Variants in GZMA observed in about 807,000 individuals in gnomAD.
The protein encoded by GZMA is granzyme A.
Under a neutral mutation model 21.1 loss-of-function variants are expected in GZMA, and 17 were observed. The ratio of observed to expected loss-of-function variants is 0.81; its 90% confidence interval spans 0.55 to 1.21. The LOEUF is 1.21. Among genes scored for constraint, GZMA ranks in the 50% most tolerant of loss-of-function variants. The pLI, the probability that GZMA is intolerant of heterozygous loss-of-function variation, is 0.00. For synonymous variants in GZMA, 90 were observed against 107.8 expected, an observed-to-expected ratio of 0.83 and a Z score of 1.03; for missense variants, 306 against 315.9, an observed-to-expected ratio of 0.97 and a Z score of 0.24.
chr5:55,103,335 C>G (rs1390703391), intron 1 of GZMA, among the ~76,000 whole-genome samples: 1 of 152,174 alleles, frequency 6.6e-6, no homozygotes, highest in East Asian at 1.9e-4. Context: ...AATTTTTATA[C>G]TTATTTCTCT....
chr5:55,102,719 TCA>T lies in GZMA; in HGVS notation c.38_39del (p.Ser13CysfsTer10), dbSNP rs752815031. The T allele has an allele frequency of 4.3e-6, 7 of 1,610,236 alleles. No individual in the cohort carries two copies. The East Asian group carries it at 8.9e-5, about 21-fold the overall frequency. On this transcript the variant is annotated frameshift_variant, in exon 1 of 5. Transcript: ENST00000274306. LOFTEE classifies it high-confidence loss of function. ...NSYRFLASSL[S>X]VVVSLLLIPE... ...CTATAGATTTCTGGCATCCTCTCTC[TCA>T]GTTGTCGTTTCTCTCCTGCTAATTC...
In GZMA at chr5:55,107,835, C is replaced by G; in HGVS notation, c.257C>G (p.Thr86Ser). The G allele has an allele frequency of 1.2e-6, 2 of 1,612,048 alleles. No individual in the cohort carries two copies. Among genetic ancestry groups the G allele is most frequent in the East Asian group, 4.5e-5 (2 of 44,822 alleles). Residue 86 changes from threonine (T) to serine (S), a missense_variant, in exon 3 of 5, where the codon ACC becomes AGC. Transcript: ENST00000274306. ...SQVILGAHSITREEPTKQIML... is the reference protein window; with the variant it reads ...SQVILGAHSISREEPTKQIML... ...GTCATTCTTGGGGCTCACTCAATAA[C>G]CAGGGAAGAGCCAACAAAACAGATA...
intron 1 of GZMA, among the ~76,000 whole-genome samples, chr5:55,103,955 A>G (rs1417829232): frequency 6.6e-6 from 1 of 152,020 alleles, no homozygotes; most frequent in Non-Finnish European, 1.5e-5. Context: ...GCAGTGAGCT[A>G]AGATCGTGCC....
chr5:55,109,413 C>G (rs956070960), intron 4 of GZMA, among the ~76,000 whole-genome samples: 1 of 152,164 alleles, frequency 6.6e-6, no homozygotes, highest in South Asian at 2.1e-4. Flanking sequence ...CTTGGCAATC[C>G]TTGCCTGTTC....
In GZMA at chr5:55,106,560, C is replaced by T. The variant is rs114057623; in HGVS notation, c.215+942C>T. ...CAGAGCTTTGCTTCTGTCATGACTG[C>T]GTGACCAGGTAGAATTAGCCTCAGC... On this transcript the variant is annotated intron_variant, in intron 2 of 4. Transcript: ENST00000274306. Among the ~76,000 whole-genome samples the T allele has an allele frequency of 3.5e-3, 531 of 152,212 alleles. 2 individuals carry two copies. The highest frequency in any genetic ancestry group is 0.012 in the African/African-American group (494 of 41,546).
chr5:55,102,790 A>AT, intron 1 of GZMA, 38 bp downstream of exon 1: 1 of 1,200,872 alleles, frequency 8.3e-7, no homozygotes, highest in Non-Finnish European at 1.2e-6. Flanking sequence ...ATGACCATGA[A>AT]GCAAAATGGA....
At position 55,105,691 on chromosome 5, in the gene GZMA, G is replaced by A. The variant is rs1580327846; in HGVS notation, c.215+73G>A. The A allele has an allele frequency of 2.9e-6, 4 of 1,361,380 alleles. No homozygotes were observed. The East Asian group carries it at 9.2e-5, about 31-fold the overall frequency. The allele number at this position is 1,361,380 out of a possible 1,614,324, so 84.3% of individuals were successfully genotyped here. A position where few individuals can be genotyped will look rare whatever the true frequency, so the allele number is the denominator to read the frequency against. ...TGGGGAAACATTAATAAAAAGAGTA[G>A]GCCGGGCACAGTGGCTTACACCTGT... is the stretch of plus-strand genomic sequence containing the variant. On this transcript the variant is annotated intron_variant, in intron 2 of 4. Coordinates refer to ENST00000274306, the MANE Select transcript of GZMA (RefSeq NM_006144.4).
At chr5:55,105,402 T>C (rs1217753086) in intron 1 of GZMA, 72 bp from the exon 2 acceptor site, 1 of 1,370,428 alleles carries the variant, frequency 7.3e-7, no homozygotes, top group African/African-American at 1.4e-5. Flanking sequence ...ATGGCTGGTC[T>C]TAGAAACATG....
At chr5:55,103,250 C>T (rs1216835661) in intron 1 of GZMA, among the ~76,000 whole-genome samples, 1 of 152,154 alleles carries the variant, frequency 6.6e-6, no homozygotes, top group Non-Finnish European at 1.5e-5. Flanking sequence ...GCCTTTCCTG[C>T]TGCAGAAAAT....
At chr5:55,108,820 C>T (rs982640284) in intron 4 of GZMA, among the ~76,000 whole-genome samples, 2 of 152,124 alleles carry the variant, frequency 1.3e-5, no homozygotes, top group Non-Finnish European at 2.9e-5. Context: ...CATTTAACAT[C>T]GGCATGTCTG....
chr5:55,109,544 TG>T (rs1561281269), intron 4 of GZMA, among the ~76,000 whole-genome samples: 1 of 152,236 alleles, frequency 6.6e-6, no homozygotes, highest in African/African-American at 2.4e-5. Context: ...GGTTCCAACA[TG>T]GTTCTTTATT....
In GZMA at chr5:55,107,897, G is replaced by C; in HGVS notation, c.319G>C (p.Asp107His). The C allele has an allele frequency of 1.2e-6, 2 of 1,613,330 alleles. No individual in the cohort carries two copies. The highest frequency in any genetic ancestry group is 2.2e-5 in the South Asian group (2 of 91,050). ...VKKEFPYPCY[D>H]PATREGDLKL... ...GAAAGAGTTTCCCTATCCATGCTAT[G>C]ACCCAGCCACACGCGAAGGTGACCT... is the stretch of plus-strand genomic sequence containing the variant. Residue 107 changes from aspartate to histidine, a missense_variant, in exon 3 of 5, where the codon GAC becomes CAC. By Grantham distance (81) the Asp-to-His change is moderately conservative. Transcript: ENST00000274306.
intron 4 of GZMA, 134 bp from the exon 5 acceptor site, chr5:55,109,887 A>T (rs1049547280): frequency 1.2e-5 from 6 of 482,848 alleles, no homozygotes; most frequent in Admixed American, 7.7e-5. Context: ...TTTAATTTTT[A>T]AAATTAAAGC....
At chr5:55,109,794 T>C (rs73115880) in intron 4 of GZMA, among the ~76,000 whole-genome samples, 2,569 of 152,352 alleles carry the variant, frequency 0.017, 84 homozygotes, top group African/African-American at 0.059. Flanking sequence ...GCTGATAACA[T>C]GTACAAGTTT....
chr5:55,109,993 A>G, intron 4 of GZMA, 28 bp from the exon 5 acceptor site: 3 of 1,547,402 alleles, frequency 1.9e-6, no homozygotes, highest in Non-Finnish European at 1.7e-6. Context: ...CACTGACCCC[A>G]CACCCTACCC....
chr5:55,104,209 C>T (rs1229405868), intron 1 of GZMA, among the ~76,000 whole-genome samples: 2 of 152,176 alleles, frequency 1.3e-5, no homozygotes. Flanking sequence ...AAGCAACCTG[C>T]TGTGCTCCTC....
At chr5:55,107,737 T>C (rs1325982276) in intron 2 of GZMA, 57 bp from the exon 3 acceptor site, 1 of 1,418,338 alleles carries the variant, frequency 7.1e-7, no homozygotes, top group South Asian at 1.2e-5. Flanking sequence ...TCAGTATATA[T>C]GCTCAACTGC....
At chr5:55,103,953 C>G (rs1742344311) in intron 1 of GZMA, among the ~76,000 whole-genome samples, 1 of 151,670 alleles carries the variant, frequency 6.6e-6, no homozygotes, top group African/African-American at 2.4e-5. Flanking sequence ...CTGCAGTGAG[C>G]TAAGATCGTG....
At chr5:55,109,526 G>C (rs1742466970) in intron 4 of GZMA, among the ~76,000 whole-genome samples, 1 of 152,332 alleles carries the variant, frequency 6.6e-6, no homozygotes, top group East Asian at 1.9e-4. Context: ...TGTTCAGGGA[G>C]GATCCCGGGT....
Sources: allele counts gnomAD v4.1 joint callset (sites outside exome capture counted in the v4.1 genomes callset), GRCh38; gene constraint gnomAD v4.1.1; transcripts MANE v1.5; gene names NCBI Gene and HGNC (gene_info 2026-07-23, HGNC 2026-07-21).